The following NPNT variants were observed in gnomAD, a reference collection of about 807,000 sequenced individuals.
The protein encoded by NPNT is nephronectin, also known as preosteoblast EGF-like repeat protein with MAM domain.
In NPNT, 45 loss-of-function variants were observed where a neutral mutation model predicts 68.6. That is an observed-to-expected ratio of 0.66 (90% confidence interval 0.52 to 0.84). The LOEUF (loss-of-function observed/expected upper bound fraction) is 0.84, where lower values mean the gene tolerates loss of function less well. NPNT is among the 40% of genes least tolerant of loss of function. The pLI, the probability that NPNT is intolerant of heterozygous loss-of-function variation, is 0.00. For missense variants in NPNT, 672 were observed against 714.8 expected (o/e 0.94, Z 0.68); for synonymous variants, 233 against 253.3 (o/e 0.92, Z 0.76).
At chr4:105,950,547 T>A (rs1460806717) in intron 8 of NPNT, among the ~76,000 whole-genome samples, 2 of 152,050 alleles carry the variant, frequency 1.3e-5, no homozygotes, top group Non-Finnish European at 2.9e-5. Flanking sequence ...AAGTGATTAT[T>A]GTGCCTCAGT....
chr4:105,912,331 A>G (rs1727435836), intron 2 of NPNT: 4 of 873,328 alleles, frequency 4.6e-6, no homozygotes, highest in Non-Finnish European at 7.0e-6. Flanking sequence ...TAAACAAAAC[A>G]TTAGTTGTGT....
chr4:105,948,365 A>G (rs1348669880), intron 8 of NPNT, among the ~76,000 whole-genome samples: 1 of 152,162 alleles, frequency 6.6e-6, no homozygotes, highest in Non-Finnish European at 1.5e-5. Context: ...ATGACTTTGG[A>G]CTAGTATGAG....
intron 7 of NPNT, among the ~76,000 whole-genome samples, chr4:105,940,840 C>G (rs1729888589): frequency 6.6e-6 from 1 of 152,142 alleles, no homozygotes; most frequent in Admixed American, 6.5e-5. Context: ...ACACTATAAT[C>G]TTAAGAGTAT....
intron 2 of NPNT, among the ~76,000 whole-genome samples, chr4:105,914,396 AATATAAT>A (rs991178974): frequency 7.2e-6 from 1 of 138,684 alleles, no homozygotes; most frequent in Non-Finnish European, 1.5e-5. Flanking sequence ...ATATAAAAAT[AATATAAT>A]ATATATTATA....
At chr4:105,948,714 A>C (rs184306111) in intron 8 of NPNT, among the ~76,000 whole-genome samples, 5 of 152,202 alleles carry the variant, frequency 3.3e-5, no homozygotes, top group Admixed American at 3.3e-4. Context: ...TCAATCTCTC[A>C]GGCTCAAGCA....
rs191365361 is a variant in NPNT, at chr4:105,957,496, G to T, written c.1160-975G>T. ...ACTTGTGTCCTTTGAGGAAAAGTGTGAAATACTACCTGGGGTTCTAACAGG... is the reference window on the plus strand; with the variant it reads ...ACTTGTGTCCTTTGAGGAAAAGTGTTAAATACTACCTGGGGTTCTAACAGG... On this transcript the variant is annotated intron_variant, in intron 8 of 11. Coordinates refer to ENST00000379987, the MANE Select transcript of NPNT (RefSeq NM_001033047.3). 1.7e-3 allele frequency among the ~76,000 whole-genome samples: 255 copies of T among 152,278 alleles called. 2 individuals carry two copies. Among genetic ancestry groups the T allele is most frequent in the Admixed American group, 0.015 (232 of 15,280 alleles).
At chr4:105,926,256 A>G (rs1019087872) in intron 2 of NPNT, among the ~76,000 whole-genome samples, 31 of 152,178 alleles carry the variant, frequency 2.0e-4, no homozygotes, top group Admixed American at 1.3e-4. Flanking sequence ...TTGAATAAGA[A>G]ACGTGGTTTT....
At position 105,900,845 on chromosome 4, in the gene NPNT, T is replaced by TG. The variant is rs1241376737; in HGVS notation, c.172+2844_172+2845insG. On this transcript the variant is annotated intron_variant, in intron 2 of 11. Coordinates refer to ENST00000379987, the MANE Select transcript of NPNT (RefSeq NM_001033047.3). The stretch of plus-strand genomic sequence containing the variant: ...TCATACCCTTGGTTGTTTTTTTTTT[T>TG]TTTTTTTTTGATTCTTTGTTTTGTG... 4.7e-3 allele frequency among the ~76,000 whole-genome samples: 707 copies of TG among 151,838 alleles called. 5 individuals are homozygous for TG. Among genetic ancestry groups the TG allele is most frequent in the African/African-American group, 0.016 (672 of 41,398 alleles).
chr4:105,913,691 G>T (rs531555253), intron 2 of NPNT, among the ~76,000 whole-genome samples: 2 of 152,124 alleles, frequency 1.3e-5, no homozygotes, highest in Non-Finnish European at 2.9e-5. Flanking sequence ...AAATGGTTTT[G>T]TTTACCATAA....
At chr4:105,930,148 G>A (rs778168270) in intron 3 of NPNT, among the ~76,000 whole-genome samples, 3 of 152,210 alleles carry the variant, frequency 2.0e-5, no homozygotes, top group Non-Finnish European at 4.4e-5. Flanking sequence ...CAAAAAAGCA[G>A]TGTGGCAGGT....
chr4:105,898,371 T>TCTCTCG (rs1726117491), intron 2 of NPNT, among the ~76,000 whole-genome samples: 1 of 128,116 alleles, frequency 7.8e-6, no homozygotes, highest in Non-Finnish European at 1.6e-5. Flanking sequence ...TCTCTCTCTC[T>TCTCTCG]CTCTCTCTCG....
In NPNT at chr4:105,959,080, G is replaced by A. The variant is rs1191375589; in HGVS notation, c.1299G>A (p.Arg433=). 1 of 1,613,576 alleles carries A rather than the reference G, an allele frequency of 6.2e-7. No homozygotes were observed. Among genetic ancestry groups the A allele is most frequent in the Non-Finnish European group, 8.5e-7 (1 of 1,179,596 alleles). ...NFDHGLCGWI[R]EKDNDLHWEP... ...ACCATGGACTTTGTGGATGGATCAG[G>A]GAGAAAGACAATGACTTGCACTGGG... Residue 433 remains arginine, a synonymous_variant, in exon 10 of 12, where the codon AGG becomes AGA. Coordinates refer to ENST00000379987, the MANE Select transcript of NPNT (RefSeq NM_001033047.3).
chr4:105,969,025 T>G lies in NPNT; in HGVS notation c.*35T>G. 1.5e-6 allele frequency: 2 copies of G among 1,327,130 alleles called. No homozygotes were observed. Among genetic ancestry groups the G allele is most frequent in the Non-Finnish European group, 2.2e-6 (2 of 923,860 alleles). 82.2% of individuals were successfully genotyped at this position (1,327,130 alleles called of 1,614,324 possible). On this transcript the variant is annotated 3_prime_UTR_variant, in exon 12 of 12. Transcript: ENST00000379987. ...AACTAACAATGAACTCCTATGTTGC[T>G]CTATCCTCTTTTTCCAATTCTCATC...
intron 7 of NPNT, among the ~76,000 whole-genome samples, chr4:105,941,184 A>G (rs1729921484): frequency 6.6e-6 from 1 of 152,048 alleles, no homozygotes. Context: ...ACAAAAAAAA[A>G]TTTAGAAATT....
chr4:105,908,682 GCCTCC>G (rs1250422472), intron 2 of NPNT, among the ~76,000 whole-genome samples: 1 of 151,732 alleles, frequency 6.6e-6, no homozygotes, highest in Non-Finnish European at 1.5e-5. Flanking sequence ...TCCTGCCTCA[GCCTCC>G]CGAGTAGCTA....
intron 2 of NPNT, among the ~76,000 whole-genome samples, chr4:105,898,650 A>G (rs570980619): frequency 4.6e-5 from 7 of 152,302 alleles, no homozygotes; most frequent in African/African-American, 7.2e-5. Context: ...TGTAAGTTCT[A>G]TAAGTAACCA....
chr4:105,907,217 G>T (rs1726971907), intron 2 of NPNT, among the ~76,000 whole-genome samples: 1 of 152,122 alleles, frequency 6.6e-6, no homozygotes, highest in Admixed American at 6.5e-5. Flanking sequence ...GGGGTGTGCG[G>T]AAGGGCTGAT....
chr4:105,942,124 T>C lies in NPNT; in HGVS notation c.764-183T>C, dbSNP rs1396592668. On this transcript the variant is annotated intron_variant, in intron 7 of 11. Transcript: ENST00000379987. ...GTGTGTCTGTGTGTGTGTATATATATATATATATATATACACACATATATA... is the reference window on the plus strand; with the variant it reads ...GTGTGTCTGTGTGTGTGTATATATACATATATATATATACACACATATATA... 1.5e-4 allele frequency among the ~76,000 whole-genome samples: 21 copies of C among 142,462 alleles called. No homozygotes were observed. The South Asian group carries it at 2.2e-3, about 15-fold the overall frequency. The allele number at this position is 142,462 out of a possible 152,430, so 93.5% of individuals were successfully genotyped here.
At chr4:105,925,090 GCTTA>G (rs1049140611) in intron 2 of NPNT, among the ~76,000 whole-genome samples, 92 of 152,010 alleles carry the variant, frequency 6.1e-4, no homozygotes, top group African/African-American at 2.2e-3. Context: ...ATGTAGAGTG[GCTTA>G]CTTCTGGAAC....
Sources: allele counts gnomAD v4.1 joint callset (sites outside exome capture counted in the v4.1 genomes callset), GRCh38; gene constraint gnomAD v4.1.1; transcripts MANE v1.5; gene names NCBI Gene and HGNC (gene_info 2026-07-23, HGNC 2026-07-21).